The following PDS5A variants were observed in gnomAD, a reference collection of about 807,000 sequenced individuals.
The protein encoded by PDS5A is PDS5 cohesin associated factor A, also known as sister chromatid cohesion protein PDS5 homolog A.
PDS5A carries 42 observed loss-of-function variants against 167.1 expected under a neutral mutation model. That is an observed-to-expected ratio of 0.25 (90% CI 0.20 to 0.33). The LOEUF (loss-of-function observed/expected upper bound fraction) is 0.33, where lower values mean the gene tolerates loss of function less well. Ranked by LOEUF, PDS5A falls within the 10% of genes least tolerant of loss-of-function variation. The probability of loss-of-function intolerance (pLI) is 1.00; values close to 1 mark genes in which losing one functional copy is unlikely to be tolerated. For synonymous variants in PDS5A, 553 were observed against 554.6 expected, an observed-to-expected ratio of 1.00 and a Z score of 0.04; for missense variants, 1,033 against 1,605.9, an observed-to-expected ratio of 0.64 and a Z score of 6.10.
chr4:39,956,913 C>G (rs1728975627), intron 2 of PDS5A, among the ~76,000 whole-genome samples: 1 of 152,166 alleles, frequency 6.6e-6, no homozygotes, highest in South Asian at 2.1e-4. Flanking sequence ...CTCAAGTGAT[C>G]TGCCTTGCCT....
intron 2 of PDS5A, among the ~76,000 whole-genome samples, chr4:39,958,402 G>A (rs543069687): frequency 6.6e-6 from 1 of 151,232 alleles, no homozygotes; most frequent in Admixed American, 6.6e-5. Flanking sequence ...AGCTACTCAG[G>A]AGGCTGAGCC....
At chr4:39,866,666 G>C (rs969513932) in intron 23 of PDS5A, among the ~76,000 whole-genome samples, 195 bp downstream of exon 23, 1 of 152,086 alleles carries the variant, frequency 6.6e-6, no homozygotes, top group Admixed American at 6.6e-5. Context: ...TCTTCTTTAG[G>C]AATGAAGAAA....
intron 32 of PDS5A, among the ~76,000 whole-genome samples, chr4:39,834,736 T>C (rs1347752494): frequency 6.6e-6 from 1 of 152,200 alleles, no homozygotes; most frequent in Non-Finnish European, 1.5e-5. Flanking sequence ...TTTCTATTTT[T>C]ATCTCTTAAC....
intron 22 of PDS5A, among the ~76,000 whole-genome samples, chr4:39,867,733 A>AACACACACACACACAC (rs142147688): frequency 1.6e-4 from 21 of 130,704 alleles, no homozygotes; most frequent in East Asian, 4.8e-4. Context: ...AAAAAACCAA[A>AACACACACACACACAC]ACACACACAC....
intron 2 of PDS5A, among the ~76,000 whole-genome samples, chr4:39,974,797 AC>A (rs1011626891): frequency 2.0e-5 from 3 of 152,056 alleles, no homozygotes; most frequent in African/African-American, 7.2e-5. Flanking sequence ...TGGAGCCACC[AC>A]ACCAGGCCCA....
At chr4:39,958,264 T>C (rs1729150829) in intron 2 of PDS5A, among the ~76,000 whole-genome samples, 1 of 151,848 alleles carries the variant, frequency 6.6e-6, no homozygotes, top group African/African-American at 2.4e-5. Context: ...CCCAGCACAT[T>C]GGGAGGTCGA....
At chr4:39,967,155 G>A (rs893990913) in intron 2 of PDS5A, among the ~76,000 whole-genome samples, 1 of 150,514 alleles carries the variant, frequency 6.6e-6, no homozygotes, top group South Asian at 2.1e-4. Context: ...AATATAAAAA[G>A]TTAGCTAGGT....
intron 2 of PDS5A, among the ~76,000 whole-genome samples, chr4:39,930,247 G>GTTTTGT (rs1553903840): frequency 3.2e-5 from 2 of 61,956 alleles, no homozygotes; most frequent in Non-Finnish European, 6.5e-5. Context: ...AAAAAAAAAA[G>GTTTTGT]TTTTTTTGTT....
chr4:39,871,022 T>G (rs1053265992), intron 21 of PDS5A, among the ~76,000 whole-genome samples: 2 of 152,150 alleles, frequency 1.3e-5, no homozygotes, highest in East Asian at 3.9e-4. Context: ...TACTACAACA[T>G]GGAAGAGCCC....
intron 17 of PDS5A, among the ~76,000 whole-genome samples, chr4:39,888,362 T>C (rs1721667905): frequency 6.6e-6 from 1 of 151,152 alleles, no homozygotes; most frequent in Admixed American, 6.6e-5. Context: ...TAAATTAGCA[T>C]AGCCACTAAG....
chr4:39,961,816 A>G lies in PDS5A; in HGVS notation c.138+14624T>C, dbSNP rs78999339. ...TTAAACCTGTTCTCTTACTGTGAGCATTATATAGATTTCTGATACAAGATA... is the reference window on the plus strand; with the variant it reads ...TTAAACCTGTTCTCTTACTGTGAGCGTTATATAGATTTCTGATACAAGATA... On this transcript the variant is annotated intron_variant, in intron 2 of 32. Coordinates refer to ENST00000303538, the MANE Select transcript of PDS5A (RefSeq NM_001100399.2). Among the ~76,000 whole-genome samples the G allele has an allele frequency of 3.0e-3, 459 of 152,356 alleles. 9 individuals carry two copies. Among genetic ancestry groups the G allele is most frequent in the Admixed American group, 0.026 (404 of 15,306 alleles).
intron 2 of PDS5A, chr4:39,973,564 G>C: frequency 8.1e-7 from 1 of 1,233,634 alleles, no homozygotes; most frequent in South Asian, 1.2e-5. Context: ...TATGATGGAG[G>C]GTGGTCACAG....
intron 2 of PDS5A, among the ~76,000 whole-genome samples, chr4:39,960,509 A>C (rs191788700): frequency 7.3e-4 from 111 of 152,096 alleles, no homozygotes; most frequent in African/African-American, 2.6e-3. Flanking sequence ...TTTCTTCATT[A>C]TGCTTATGTT....
chr4:39,878,935 G>A (rs1275882187), intron 18 of PDS5A, among the ~76,000 whole-genome samples: 2 of 152,002 alleles, frequency 1.3e-5, no homozygotes, highest in Non-Finnish European at 2.9e-5. Flanking sequence ...GTAGAGACGG[G>A]GTTTCCCCAT....
At chr4:39,862,151 C>A (rs1578625303) in intron 26 of PDS5A, 68 bp downstream of exon 26, 4 of 540,862 alleles carry the variant, frequency 7.4e-6, no homozygotes, top group Non-Finnish European at 1.3e-5. Context: ...AAATAATAAA[C>A]AAAAAATTTA....
Position 39,869,465 on chromosome 4 carries a change from A to G in PDS5A, c.2437-3T>C. On this transcript the variant is annotated splice_region_variant and splice_polypyrimidine_tract_variant and intron_variant, in intron 21 of 32. Transcript: ENST00000303538. The stretch of plus-strand genomic sequence containing the variant: ...TTTCCATTCTTTTCACCTGTTGACT[A>G]TAGACAATTGAATAAATTTAGCTAT... 6.3e-7 allele frequency: 1 copy of G among 1,576,028 alleles called. No homozygotes were observed. The highest frequency in any genetic ancestry group is 8.7e-7 in the Non-Finnish European group (1 of 1,146,926).
chr4:39,969,396 A>G (rs1356633103), intron 2 of PDS5A, among the ~76,000 whole-genome samples: 1 of 152,132 alleles, frequency 6.6e-6, no homozygotes, highest in Non-Finnish European at 1.5e-5. Flanking sequence ...AGCCAGGCAG[A>G]GTGGCTCACG....
At position 39,865,207 on chromosome 4, in the gene PDS5A, A is replaced by G. The variant is rs1446061769; in HGVS notation, c.2642+1654T>C. Among the ~76,000 whole-genome samples the G allele has an allele frequency of 1.1e-3, 160 of 152,216 alleles. 1 individual carries two copies. The highest frequency in any genetic ancestry group is 2.5e-4 in the Non-Finnish European group (17 of 68,032). ...TGTATTGACTGCATTTAGTGATGTT[A>G]AACTTTTAAAAGTAAACTGATAATA... is the stretch of plus-strand genomic sequence containing the variant. On this transcript the variant is annotated intron_variant, in intron 23 of 32. Transcript: ENST00000303538.
intron 9 of PDS5A, among the ~76,000 whole-genome samples, chr4:39,912,773 C>T (rs907175838): frequency 2.0e-5 from 3 of 152,096 alleles, no homozygotes; most frequent in Non-Finnish European, 4.4e-5. Flanking sequence ...ATAAATTTGT[C>T]AACACTACTA....
Sources: gnomAD v4.1 joint callset for allele counts (sites outside exome capture counted in the v4.1 genomes callset) on GRCh38, gnomAD v4.1.1 for gene constraint, MANE v1.5 for transcripts, NCBI Gene and HGNC (gene_info 2026-07-23, HGNC 2026-07-21) for gene names.